The following ARHGEF38 variants were observed in gnomAD, a reference collection of about 807,000 sequenced individuals.
ARHGEF38 encodes Rho guanine nucleotide exchange factor (GEF) 38.
A neutral mutation model predicts 79.9 loss-of-function variants in ARHGEF38; 79 were observed. That is an observed-to-expected ratio of 0.99 (90% confidence interval 0.82 to 1.19). ARHGEF38 has a LOEUF of 1.19. Ranked by LOEUF, ARHGEF38 falls within the 50% of genes most tolerant of loss-of-function variation. The pLI, the probability that ARHGEF38 is intolerant of heterozygous loss-of-function variation, is 0.00. For missense variants in ARHGEF38, 962 were observed against 907.2 expected (o/e 1.06, Z -0.78); for synonymous variants, 366 against 328.3 (o/e 1.11, Z -1.24).
At chr4:105,589,016 G>A (rs1296333250) in intron 1 of ARHGEF38, among the ~76,000 whole-genome samples, 1 of 152,184 alleles carries the variant, frequency 6.6e-6, no homozygotes. Context: ...TTTTAAAGAA[G>A]CCACGATAAT....
rs2110577100 is a variant in ARHGEF38 at position 105,667,130 on chromosome 4, C to T, written c.1691C>T (p.Pro564Leu). ...FEKKKPVQIL[P>L]EMPHQTDIHR... is the part of the protein sequence containing the mutation. ...AAAACTTCTCCTTATTTCTCCCAGC[C>T]AGAAATGCCACATCAAACTGACATT... The change falls in exon 12 of 14, where the codon CCA becomes CTA. Residue 564 changes from proline (P) to leucine (L), a missense_variant and splice_region_variant. Pro to Leu is a moderately conservative substitution (Grantham distance 98). Coordinates refer to ENST00000420470, the MANE Select transcript of ARHGEF38 (RefSeq NM_001242729.2). 6.5e-7 allele frequency: 1 copy of T among 1,528,840 alleles called. No homozygotes were observed. The highest frequency in any genetic ancestry group is 1.4e-5 in the African/African-American group (1 of 73,010). The allele number at this position is 1,528,840 out of a possible 1,614,324, so 94.7% of individuals were successfully genotyped here.
intron 1 of ARHGEF38, among the ~76,000 whole-genome samples, chr4:105,587,328 AC>A (rs1727101461): frequency 6.6e-6 from 1 of 152,210 alleles, no homozygotes; most frequent in South Asian, 2.1e-4. Context: ...AAACAAAAAA[AC>A]AAATTAGCAA....
At chr4:105,617,858 C>A (rs1385605057) in intron 3 of ARHGEF38, among the ~76,000 whole-genome samples, 2 of 152,092 alleles carry the variant, frequency 1.3e-5, no homozygotes, top group African/African-American at 4.8e-5. Flanking sequence ...CATAATCATG[C>A]TTTGGAAAAT....
intron 1 of ARHGEF38, among the ~76,000 whole-genome samples, chr4:105,562,589 C>A (rs1233292594): frequency 3.9e-5 from 6 of 152,074 alleles, no homozygotes; most frequent in Non-Finnish European, 8.8e-5. Flanking sequence ...AAAATAGGAT[C>A]TCTTTTTAAA....
At chr4:105,613,829 T>C (rs1186440554) in intron 3 of ARHGEF38, among the ~76,000 whole-genome samples, 1 of 152,156 alleles carries the variant, frequency 6.6e-6, no homozygotes, top group Non-Finnish European at 1.5e-5. Flanking sequence ...GAATTAATTA[T>C]TTAAATATTC....
At chr4:105,557,853 A>G (rs7672413) in intron 1 of ARHGEF38, among the ~76,000 whole-genome samples, 133,614 of 152,082 alleles carry the variant, frequency 0.88, 59,051 homozygotes, top group African/African-American at 0.91. Context: ...AGACGGGTCG[A>G]TTACCTTTAT....
chr4:105,586,379 C>T (rs79763507), intron 1 of ARHGEF38, among the ~76,000 whole-genome samples: 5,143 of 151,996 alleles, frequency 0.034, 177 homozygotes, highest in African/African-American at 0.089. Context: ...GAGATTTTTA[C>T]ACCTGAGGGA....
intron 10 of ARHGEF38, among the ~76,000 whole-genome samples, 159 bp from the exon 11 acceptor site, chr4:105,666,018 A>C: frequency 6.6e-6 from 1 of 152,180 alleles, no homozygotes; most frequent in East Asian, 1.9e-4. Flanking sequence ...AGAGACAATA[A>C]ATTAGACCAT....
chr4:105,642,693 G>T (rs1729670878), intron 5 of ARHGEF38, among the ~76,000 whole-genome samples: 1 of 151,920 alleles, frequency 6.6e-6, no homozygotes, highest in Non-Finnish European at 1.5e-5. Flanking sequence ...TGATGGGAGG[G>T]GAATTCCTAC....
intron 1 of ARHGEF38, among the ~76,000 whole-genome samples, chr4:105,584,909 C>G (rs559599950): frequency 7.2e-5 from 11 of 152,154 alleles, no homozygotes; most frequent in Non-Finnish European, 1.5e-4. Flanking sequence ...TGCTGTTGCA[C>G]TTCTCTAAGA....
chr4:105,672,428 T>C (rs914537175), intron 13 of ARHGEF38, among the ~76,000 whole-genome samples: 1 of 152,212 alleles, frequency 6.6e-6, no homozygotes. Flanking sequence ...ATTCACAACC[T>C]GGCAGTACTG....
intron 1 of ARHGEF38, among the ~76,000 whole-genome samples, chr4:105,585,948 A>G (rs1044096568): frequency 6.6e-6 from 1 of 151,698 alleles, no homozygotes; most frequent in African/African-American, 2.4e-5. Flanking sequence ...TCAGGCCGGT[A>G]TGAAACTCCT....
Position 105,655,739 on chromosome 4 carries a change from C to A in ARHGEF38, c.1233+17C>A. ...CATGACTTTGTAAGTTATTTATATT[C>A]ACAGATAAATGCAAATTAAATAGTG... On this transcript the variant is annotated intron_variant, in intron 9 of 13. Coordinates refer to ENST00000420470, the MANE Select transcript of ARHGEF38 (RefSeq NM_001242729.2). 1 of 1,530,258 alleles carries A rather than the reference C, an allele frequency of 6.5e-7. No individual in the cohort carries two copies. Among genetic ancestry groups the A allele is most frequent in the Non-Finnish European group, 8.7e-7 (1 of 1,144,066 alleles). 94.8% of individuals were successfully genotyped at this position (1,530,258 alleles called of 1,614,324 possible).
chr4:105,576,498 C>T (rs1186798536), intron 1 of ARHGEF38, among the ~76,000 whole-genome samples: 1 of 150,790 alleles, frequency 6.6e-6, no homozygotes, highest in Non-Finnish European at 1.5e-5. Context: ...GCAAGCAGCA[C>T]TGCTGATTTG....
rs1231902025 is a variant in ARHGEF38, at chr4:105,589,263, A to G, written c.212A>G (p.Gln71Arg). 1.2e-6 allele frequency: 2 copies of G among 1,612,240 alleles called. No homozygotes were observed. Among genetic ancestry groups the G allele is most frequent in the Non-Finnish European group, 1.7e-6 (2 of 1,179,478 alleles). ...NQKLQEKMTP[Q>R]GECSVAETLT... is the part of the protein sequence containing the mutation. ...CATTTAACAGAAAAGATGACTCCACAGGGTGAGTGTTCTGTAGCTGAGACC... is the reference window on the plus strand; with the variant it reads ...CATTTAACAGAAAAGATGACTCCACGGGGTGAGTGTTCTGTAGCTGAGACC... Residue 71 changes from glutamine (Q) to arginine (R), a missense_variant, in exon 2 of 14, where the codon CAG becomes CGG. Transcript: ENST00000420470.
chr4:105,670,377 C>G (rs192879814), intron 13 of ARHGEF38, among the ~76,000 whole-genome samples: 15 of 152,010 alleles, frequency 9.9e-5, no homozygotes, highest in African/African-American at 3.4e-4. Flanking sequence ...TTTGCATTTC[C>G]CTAATGATTA....
chr4:105,662,814 TC>T (rs1191768191), intron 10 of ARHGEF38, among the ~76,000 whole-genome samples: 2 of 152,198 alleles, frequency 1.3e-5, no homozygotes, highest in African/African-American at 4.8e-5. Context: ...ATTTTAGGTA[TC>T]TTTGATCCCC....
chr4:105,576,020 G>A (rs28781361), intron 1 of ARHGEF38, among the ~76,000 whole-genome samples: 16,476 of 151,934 alleles, frequency 0.11, 949 homozygotes, highest in Middle Eastern at 0.18. Context: ...GCCTCCTTTT[G>A]AAAGTACCAT....
chr4:105,646,171 T>C (rs1729831498), intron 6 of ARHGEF38, among the ~76,000 whole-genome samples: 2 of 152,198 alleles, frequency 1.3e-5, no homozygotes, highest in Admixed American at 1.3e-4. Context: ...TTTTGTTTTA[T>C]TTTCTGATGT....
Sources: gnomAD v4.1 joint callset for allele counts (sites outside exome capture counted in the v4.1 genomes callset) on GRCh38, gnomAD v4.1.1 for gene constraint, MANE v1.5 for transcripts, NCBI Gene and HGNC (gene_info 2026-07-23, HGNC 2026-07-21) for gene names.